The following NDST4 variants were observed in gnomAD, a reference collection of about 807,000 sequenced individuals.
The protein encoded by NDST4 is N-deacetylase and N-sulfotransferase 4.
A neutral mutation model predicts 100.8 loss-of-function variants in NDST4; 63 were observed. The observed-to-expected ratio is 0.62, with a 90% CI of 0.51 to 0.77. The LOEUF is 0.77. Among genes scored for constraint, NDST4 ranks in the 30% least tolerant of loss-of-function variants. NDST4 has a pLI of 0.00. For synonymous variants in NDST4, 377 were observed against 361.8 expected, an observed-to-expected ratio of 1.04 and a Z score of -0.48; for missense variants, 943 against 1,018.4, an observed-to-expected ratio of 0.93 and a Z score of 1.01.
At chr4:115,087,970 C>G (rs766292901) in intron 1 of NDST4, among the ~76,000 whole-genome samples, 3 of 151,694 alleles carry the variant, frequency 2.0e-5, no homozygotes, top group African/African-American at 4.8e-5. Context: ...TGTGTTTTTA[C>G]AGTTTAAAAT....
chr4:115,026,821 T>C (rs976554996), intron 2 of NDST4, among the ~76,000 whole-genome samples: 2 of 152,034 alleles, frequency 1.3e-5, no homozygotes, highest in African/African-American at 4.8e-5. Context: ...ATGTAGGACT[T>C]TAGGTAGGAT....
At chr4:115,034,303 C>G (rs1037449943) in intron 2 of NDST4, among the ~76,000 whole-genome samples, 1 of 151,996 alleles carries the variant, frequency 6.6e-6, no homozygotes, top group Non-Finnish European at 1.5e-5. Flanking sequence ...CCCTGCTAGC[C>G]GATGCCGTGT....
At chr4:114,964,029 A>G (rs1726325236) in intron 4 of NDST4, among the ~76,000 whole-genome samples, 1 of 152,160 alleles carries the variant, frequency 6.6e-6, no homozygotes, top group African/African-American at 2.4e-5. Context: ...GTATAAGTGA[A>G]GAGGTATTGC....
intron 2 of NDST4, among the ~76,000 whole-genome samples, chr4:115,018,763 T>C (rs1479402710): frequency 1.3e-5 from 2 of 151,972 alleles, no homozygotes; most frequent in African/African-American, 2.4e-5. Context: ...TAAGCACTTA[T>C]AAAATTATTA....
intron 4 of NDST4, among the ~76,000 whole-genome samples, chr4:114,958,538 C>G (rs1726190774): frequency 1.3e-5 from 2 of 152,192 alleles, no homozygotes; most frequent in Admixed American, 6.5e-5. Context: ...TCCTCTGAAG[C>G]AACGGCTTGA....
At chr4:115,074,226 T>C (rs1729134897) in intron 2 of NDST4, among the ~76,000 whole-genome samples, 1 of 152,020 alleles carries the variant, frequency 6.6e-6, no homozygotes, top group African/African-American at 2.4e-5. Flanking sequence ...TCAGTGACTT[T>C]TGAATATTAT....
intron 1 of NDST4, among the ~76,000 whole-genome samples, chr4:115,094,149 AT>A (rs1413296497): frequency 6.6e-6 from 1 of 151,544 alleles, no homozygotes; most frequent in Non-Finnish European, 1.5e-5. Flanking sequence ...AAGTTATTAA[AT>A]ATTTTAATCT....
intron 6 of NDST4, among the ~76,000 whole-genome samples, chr4:114,913,388 T>C (rs1725102122): frequency 6.6e-6 from 1 of 152,030 alleles, no homozygotes; most frequent in Non-Finnish European, 1.5e-5. Flanking sequence ...TAGTGGTGCT[T>C]CTCAAACTTT....
At chr4:115,111,347 T>G (rs1008729491) in intron 1 of NDST4, among the ~76,000 whole-genome samples, 1 of 151,832 alleles carries the variant, frequency 6.6e-6, no homozygotes, top group African/African-American at 2.4e-5. Context: ...AAATAAAAAA[T>G]GAAAGATCCT....
intron 2 of NDST4, among the ~76,000 whole-genome samples, chr4:115,013,346 C>CATATATATATATATATATATATATAT (rs200801455): frequency 6.1e-5 from 4 of 65,354 alleles, no homozygotes; most frequent in South Asian, 6.5e-4. Context: ...ATATAAATAC[C>CATATATATATATATATATATATATAT]ATATATATAT....
At chr4:115,066,096 T>G (rs1728939557) in intron 2 of NDST4, among the ~76,000 whole-genome samples, 1 of 152,198 alleles carries the variant, frequency 6.6e-6, no homozygotes, top group Admixed American at 6.6e-5. Context: ...TGATATATAT[T>G]GCATTCTGCC....
rs541613171 is a variant in NDST4 at position 114,858,187 on chromosome 4, T to C, written c.1720-5366A>G. On this transcript the variant is annotated intron_variant, in intron 7 of 13. Transcript: ENST00000264363. ...AGCAAATACTTTCAAATCTCAGAAATAGCATTATCCTGCCACTTAGTGAAA... is the reference window on the plus strand; with the variant it reads ...AGCAAATACTTTCAAATCTCAGAAACAGCATTATCCTGCCACTTAGTGAAA... 5.9e-5 allele frequency among the ~76,000 whole-genome samples: 9 copies of C among 152,296 alleles called. No homozygotes were observed. The South Asian group carries it at 1.9e-3, about 32-fold the overall frequency.
At chr4:114,986,832 A>ATATATATATATATAT in intron 2 of NDST4, among the ~76,000 whole-genome samples, 7 of 94,656 alleles carry the variant, frequency 7.4e-5, no homozygotes, top group East Asian at 3.6e-4. Context: ...ATATATATAT[A>ATATATATATATATAT]TTTTAATATA....
At chr4:114,832,453 G>T (rs1015545401) in intron 12 of NDST4, among the ~76,000 whole-genome samples, 36 of 152,098 alleles carry the variant, frequency 2.4e-4, no homozygotes, top group Admixed American at 1.2e-3. Context: ...TGTGGGAGAG[G>T]CTTTTATGAA....
chr4:115,057,484 C>A (rs1156681735), intron 2 of NDST4, among the ~76,000 whole-genome samples: 1 of 152,054 alleles, frequency 6.6e-6, no homozygotes, highest in Non-Finnish European at 1.5e-5. Flanking sequence ...AATATAGCAA[C>A]CCATGAGCGG....
intron 7 of NDST4, among the ~76,000 whole-genome samples, chr4:114,853,514 T>A (rs1476488634): frequency 6.6e-6 from 1 of 152,236 alleles, no homozygotes; most frequent in Non-Finnish European, 1.5e-5. Flanking sequence ...TGGCTGACTC[T>A]AATTTATTAC....
chr4:115,003,867 CA>C (rs879877045), intron 2 of NDST4, among the ~76,000 whole-genome samples: 2,595 of 136,362 alleles, frequency 0.019, 66 homozygotes, highest in African/African-American at 0.064. Context: ...GACTCTGTCT[CA>C]AAAAAAAAAA....
intron 10 of NDST4, among the ~76,000 whole-genome samples, chr4:114,844,787 T>C (rs1031596901): frequency 1.3e-5 from 2 of 152,230 alleles, no homozygotes; most frequent in African/African-American, 4.8e-5. Flanking sequence ...CACTTTCCTC[T>C]TGTTATTATT....
At chr4:114,956,796 A>G (rs78271911) in intron 4 of NDST4, among the ~76,000 whole-genome samples, 2,760 of 152,282 alleles carry the variant, frequency 0.018, 88 homozygotes, top group African/African-American at 0.061. Context: ...TTAAAAAATA[A>G]CTAAATGGCA....
Sources: allele counts gnomAD v4.1 joint callset (sites outside exome capture counted in the v4.1 genomes callset), GRCh38; gene constraint gnomAD v4.1.1; transcripts MANE v1.5; gene names NCBI Gene and HGNC (gene_info 2026-07-23, HGNC 2026-07-21).